Variants in FHOD3 observed in about 807,000 individuals in gnomAD.
FHOD3 encodes FH1/FH2 domain-containing protein 3.
FHOD3 carries 90 observed loss-of-function variants against 173.0 expected under a neutral mutation model. That is an observed-to-expected ratio of 0.52 (90% confidence interval 0.44 to 0.62). The LOEUF (loss-of-function observed/expected upper bound fraction) is 0.62. FHOD3 is among the 20% of genes least tolerant of loss of function. The pLI is 0.00. For missense variants in FHOD3, 1,945 were observed against 2,034.7 expected, an observed-to-expected ratio of 0.96 and a Z score of 0.85; for synonymous variants, 828 against 823.0, an observed-to-expected ratio of 1.01 and a Z score of -0.10.
At chr18:36,634,655 G>A (rs1202169053) in intron 10 of FHOD3, among the ~76,000 whole-genome samples, 1 of 152,134 alleles carries the variant, frequency 6.6e-6, no homozygotes, top group Non-Finnish European at 1.5e-5. Flanking sequence ...GTGCAGTGAA[G>A]GAGCAGCAGG....
At chr18:36,696,875 A>AG (rs767818580) in intron 17 of FHOD3, among the ~76,000 whole-genome samples, 63 of 152,346 alleles carry the variant, frequency 4.1e-4, no homozygotes, top group Admixed American at 6.5e-4. Context: ...AAACATGGAA[A>AG]GGCATCTCTT....
At chr18:36,677,342 A>C (rs2037930219) in intron 14 of FHOD3, among the ~76,000 whole-genome samples, 1 of 151,986 alleles carries the variant, frequency 6.6e-6, no homozygotes, top group Non-Finnish European at 1.5e-5. Context: ...TAGTAGAGAC[A>C]GGCTTCTCCA....
At chr18:36,530,348 G>A (rs1278248170) in intron 5 of FHOD3, among the ~76,000 whole-genome samples, 1 of 152,118 alleles carries the variant, frequency 6.6e-6, no homozygotes, top group Non-Finnish European at 1.5e-5. Context: ...AACATAGTCT[G>A]TCAGGCTATG....
At chr18:36,575,890 A>G (rs1011294477) in intron 5 of FHOD3, among the ~76,000 whole-genome samples, 1 of 152,196 alleles carries the variant, frequency 6.6e-6, no homozygotes, top group African/African-American at 2.4e-5. Context: ...GATATCATGT[A>G]TTTTCATGAT....
intron 10 of FHOD3, among the ~76,000 whole-genome samples, chr18:36,635,839 A>G (rs75654872): frequency 0.026 from 3,897 of 152,324 alleles, 178 homozygotes; most frequent in African/African-American, 0.09. Flanking sequence ...GGCTGGGGAA[A>G]ACCAGCAAGA....
At chr18:36,445,163 T>C (rs954230380) in intron 3 of FHOD3, among the ~76,000 whole-genome samples, 3 of 152,150 alleles carry the variant, frequency 2.0e-5, no homozygotes, top group African/African-American at 7.2e-5. Context: ...ACTTACTGCT[T>C]TTTCCTCCTG....
intron 5 of FHOD3, among the ~76,000 whole-genome samples, chr18:36,545,217 C>A (rs1157936311): frequency 1.3e-5 from 2 of 152,140 alleles, no homozygotes; most frequent in South Asian, 2.1e-4. Flanking sequence ...CAGTGGTGAA[C>A]AAGACACACA....
intron 15 of FHOD3, among the ~76,000 whole-genome samples, chr18:36,683,849 G>A (rs1025283701): frequency 6.6e-6 from 1 of 152,172 alleles, no homozygotes; most frequent in African/African-American, 2.4e-5. Flanking sequence ...ATGATCACTA[G>A]GCATATCACT....
At chr18:36,360,662 C>G (rs1261002818) in intron 2 of FHOD3, among the ~76,000 whole-genome samples, 1 of 152,186 alleles carries the variant, frequency 6.6e-6, no homozygotes, top group African/African-American at 2.4e-5. Flanking sequence ...TTGGACACCT[C>G]ACTTCTCAGC....
intron 14 of FHOD3, among the ~76,000 whole-genome samples, chr18:36,681,012 G>A (rs1228460800): frequency 6.6e-6 from 1 of 152,152 alleles, no homozygotes; most frequent in South Asian, 2.1e-4. Flanking sequence ...TAATGATCCT[G>A]TTACCCAAAT....
chr18:36,367,906 C>G (rs1281633016), intron 2 of FHOD3, among the ~76,000 whole-genome samples: 5 of 151,980 alleles, frequency 3.3e-5, no homozygotes, highest in African/African-American at 9.7e-5. Context: ...CAGTCACCCC[C>G]CCATCCCTCC....
At chr18:36,494,847 T>G (rs1003912328) in intron 3 of FHOD3, among the ~76,000 whole-genome samples, 28 of 152,324 alleles carry the variant, frequency 1.8e-4, no homozygotes, top group African/African-American at 6.7e-4. Context: ...TGTTATACTT[T>G]TTTTTTGTTT....
chr18:36,529,152 C>T (rs1313048017), intron 5 of FHOD3, among the ~76,000 whole-genome samples: 10 of 152,218 alleles, frequency 6.6e-5, no homozygotes, highest in Non-Finnish European at 1.5e-4. Flanking sequence ...TGTAGCTAAA[C>T]GCCATCTTGT....
chr18:36,341,558 A>G (rs1225452757), intron 1 of FHOD3, among the ~76,000 whole-genome samples: 1 of 152,204 alleles, frequency 6.6e-6, no homozygotes, highest in East Asian at 1.9e-4. Context: ...AGTTAAGCAG[A>G]GCTAATAGTA....
intron 6 of FHOD3, among the ~76,000 whole-genome samples, chr18:36,577,250 T>G (rs2058687953): frequency 6.6e-6 from 1 of 152,216 alleles, no homozygotes; most frequent in Non-Finnish European, 1.5e-5. Flanking sequence ...ACATCAATTA[T>G]AAAAGTAATC....
intron 3 of FHOD3, among the ~76,000 whole-genome samples, chr18:36,423,747 A>T (rs2050106540): frequency 6.6e-6 from 1 of 152,206 alleles, no homozygotes; most frequent in African/African-American, 2.4e-5. Flanking sequence ...TGCAACTGAT[A>T]CGTGGGTTTT....
chr18:36,380,584 TTTCC>T (rs2047718855), intron 3 of FHOD3, among the ~76,000 whole-genome samples: 144 of 88,306 alleles, frequency 1.6e-3, no homozygotes, highest in Non-Finnish European at 2.6e-3. Context: ...TTTCTTTTCC[TTTCC>T]TTTCCTTTCC....
At chr18:36,368,294 A>C (rs904509292) in intron 2 of FHOD3, among the ~76,000 whole-genome samples, 2 of 152,186 alleles carry the variant, frequency 1.3e-5, no homozygotes, top group Non-Finnish European at 2.9e-5. Context: ...CATAGAGTAC[A>C]TCTCATACGT....
chr18:36,760,565 T>TG lies in FHOD3; in HGVS notation c.4450-39dup, dbSNP rs772507544. 24 of 1,482,740 alleles carry TG rather than the reference T, an allele frequency of 1.6e-5. No individual in the cohort carries two copies. The African/African-American group carries it at 2.9e-4, about 18-fold the overall frequency. The allele number at this position is 1,482,740 out of a possible 1,614,324, so 91.8% of individuals were successfully genotyped here. A position where few individuals can be genotyped will look rare whatever the true frequency, so the allele number is the denominator to read the frequency against. ...GTTTTAGAAGCTTGAGTTGTCTTTTTGGGGAGTCTCCCTCACCTGCTAACT... is the reference window on the plus strand; with the variant it reads ...GTTTTAGAAGCTTGAGTTGTCTTTTTGGGGGAGTCTCCCTCACCTGCTAACT... On this transcript the variant is annotated intron_variant, in intron 26 of 28. Coordinates refer to ENST00000590592, the MANE Select transcript of FHOD3 (RefSeq NM_001281740.3).
Sources: gnomAD v4.1 joint callset for allele counts (sites outside exome capture counted in the v4.1 genomes callset) on GRCh38, gnomAD v4.1.1 for gene constraint, MANE v1.5 for transcripts, NCBI Gene and HGNC (gene_info 2026-07-23, HGNC 2026-07-21) for gene names.